DNAAF9: variants seen among roughly 807,000 people sequenced by gnomAD.
DNAAF9 encodes dynein axonemal assembly factor 9.
DNAAF9 carries 90 observed loss-of-function variants against 167.0 expected under a neutral mutation model. That is an observed-to-expected ratio of 0.54 (90% confidence interval 0.45 to 0.64). The LOEUF is 0.64. DNAAF9 is among the 30% of genes least tolerant of loss of function. The pLI, the probability that DNAAF9 is intolerant of heterozygous loss-of-function variation, is 0.00. For synonymous variants in DNAAF9, 491 were observed against 508.8 expected (o/e 0.96, Z 0.47); for missense variants, 1,315 against 1,442.2 (o/e 0.91, Z 1.43).
At chr20:3,326,168 C>A (rs1399715805) in intron 13 of DNAAF9, 29 bp downstream of exon 13, 5 of 1,393,804 alleles carry the variant, frequency 3.6e-6, no homozygotes, top group African/African-American at 1.4e-5. Flanking sequence ...ATAATAATTA[C>A]AGAAAGGGAA....
At chr20:3,336,794 C>T (rs1042854273) in intron 10 of DNAAF9, among the ~76,000 whole-genome samples, 3 of 151,758 alleles carry the variant, frequency 2.0e-5, no homozygotes, top group African/African-American at 7.3e-5. Context: ...TCAGGTAATC[C>T]GGCCTCCCAA....
Position 3,296,552 on chromosome 20 carries a change from T to C in DNAAF9, c.2018+309A>G, listed in dbSNP as rs1162610394. 1.2e-5 allele frequency: 4 copies of C among 331,868 alleles called. No homozygotes were observed. The East Asian group carries it at 2.4e-4, about 20-fold the overall frequency. The allele number at this position is 331,868 out of a possible 1,614,324, so 20.6% of individuals were successfully genotyped here. Reference sequence around the variant, plus strand: ...GCCACCATACCCAGCTAATTTTTTATTTTTTGTAGGGACGGGGTCTCACTA... The same window carrying C: ...GCCACCATACCCAGCTAATTTTTTACTTTTTGTAGGGACGGGGTCTCACTA... On this transcript the variant is annotated intron_variant, in intron 23 of 36. Coordinates refer to ENST00000252032, the MANE Select transcript of DNAAF9 (RefSeq NM_001009984.3).
intron 29 of DNAAF9, among the ~76,000 whole-genome samples, chr20:3,274,916 C>T (rs1241737571): frequency 1.3e-5 from 2 of 152,222 alleles, no homozygotes; most frequent in Non-Finnish European, 2.9e-5. Flanking sequence ...AGTTTGAAGG[C>T]AGATTCCAGG....
intron 27 of DNAAF9, among the ~76,000 whole-genome samples, chr20:3,284,499 C>T (rs186145831): frequency 4.8e-4 from 68 of 140,582 alleles, no homozygotes; most frequent in African/African-American, 1.8e-3. Flanking sequence ...TGTACCGGAC[C>T]ACTCTGGCTA....
chr20:3,302,740 A>T (rs1230366767), intron 21 of DNAAF9, among the ~76,000 whole-genome samples: 1 of 152,182 alleles, frequency 6.6e-6, no homozygotes, highest in East Asian at 1.9e-4. Context: ...ATGCAAACTA[A>T]TATATAGGGA....
intron 30 of DNAAF9, 136 bp downstream of exon 30, chr20:3,270,291 T>G: frequency 1.3e-6 from 1 of 744,454 alleles, no homozygotes; most frequent in Admixed American, 2.2e-5. Flanking sequence ...TATAGGTGCG[T>G]GCCACCGCAC....
At chr20:3,307,038 G>C in intron 20 of DNAAF9, 1 of 985,408 alleles carries the variant, frequency 1.0e-6, no homozygotes, top group Non-Finnish European at 1.2e-6. Flanking sequence ...AGTGCCACTT[G>C]AAAGGCCTCC....
chr20:3,298,033 G>A lies in DNAAF9; in HGVS notation c.1925C>T (p.Ser642Leu). ...PKSKIYQAFYSEVFSLWKQQD... is the reference protein window; with the variant it reads ...PKSKIYQAFYLEVFSLWKQQD... The stretch of plus-strand genomic sequence containing the variant: ...CTGAATAATGACTGATATTACCTCT[G>A]AGTAAAATGCTTGGTATATCTTCGA... Residue 642 changes from serine to leucine, a missense_variant, in exon 22 of 37, where the codon TCA becomes TTA. By Grantham distance (145) the Ser-to-Leu change is moderately radical. Around this residue, in one of 2 missense-constraint regions of DNAAF9, gnomAD observed 981 missense variants for 1,012.5 expected, o/e 0.97. Transcript: ENST00000252032. The A allele has an allele frequency of 6.2e-7, 1 of 1,611,806 alleles. No homozygotes were observed.
intron 9 of DNAAF9, among the ~76,000 whole-genome samples, chr20:3,342,992 T>G (rs1289080742): frequency 6.6e-6 from 1 of 152,174 alleles, no homozygotes; most frequent in East Asian, 1.9e-4. Flanking sequence ...TGCAAATGGT[T>G]TCTCCCATTC....
intron 25 of DNAAF9, among the ~76,000 whole-genome samples, chr20:3,290,745 C>A (rs1489265199): frequency 6.6e-6 from 1 of 151,118 alleles, no homozygotes; most frequent in Non-Finnish European, 1.5e-5. Flanking sequence ...ATGCTTCTGC[C>A]TGGTTGCCTG....
intron 1 of DNAAF9, among the ~76,000 whole-genome samples, chr20:3,386,918 A>G (rs1201217980): frequency 6.6e-6 from 1 of 152,204 alleles, no homozygotes; most frequent in African/African-American, 2.4e-5. Flanking sequence ...ATATTACTAT[A>G]CCTCTATTAG....
intron 21 of DNAAF9, among the ~76,000 whole-genome samples, chr20:3,304,168 A>AT (rs1209999636): frequency 6.6e-6 from 1 of 152,162 alleles, no homozygotes; most frequent in Non-Finnish European, 1.5e-5. Context: ...TTTAGGGTGA[A>AT]TGAATTGGGC....
intron 21 of DNAAF9, among the ~76,000 whole-genome samples, chr20:3,304,180 TGGG>T (rs1268208759): frequency 6.6e-6 from 1 of 152,176 alleles, no homozygotes; most frequent in Non-Finnish European, 1.5e-5. Context: ...GAATTGGGCA[TGGG>T]GAGCTGCTGG....
chr20:3,361,528 C>A (rs996403466), intron 6 of DNAAF9, among the ~76,000 whole-genome samples: 4 of 152,030 alleles, frequency 2.6e-5, no homozygotes, highest in African/African-American at 9.7e-5. Context: ...GACCCCAGGC[C>A]GTGTAATCAG....
chr20:3,297,722 G>A (rs1294629500), intron 22 of DNAAF9, among the ~76,000 whole-genome samples: 2 of 152,184 alleles, frequency 1.3e-5, no homozygotes, highest in African/African-American at 4.8e-5. Context: ...AATTCAGTAG[G>A]TAGGGCCCAA....
intron 25 of DNAAF9, 111 bp downstream of exon 25, chr20:3,294,028 T>TAACA (rs928419403): frequency 4.3e-6 from 3 of 699,984 alleles, no homozygotes; most frequent in Non-Finnish European, 7.8e-6. Context: ...GAGAGTCCTG[T>TAACA]AACAGGGACT....
chr20:3,368,515 CTTTT>C (rs147303892), intron 6 of DNAAF9, among the ~76,000 whole-genome samples: 1 of 127,148 alleles, frequency 7.9e-6, no homozygotes. Context: ...TTCCTGGAAG[CTTTT>C]TTTTTTTTTT....
intron 1 of DNAAF9, among the ~76,000 whole-genome samples, chr20:3,391,289 G>A (rs953059554): frequency 6.6e-6 from 1 of 151,424 alleles, no homozygotes. Context: ...ACCATGAAAC[G>A]TGTCACTTAA....
chr20:3,391,456 T>G (rs1476001538), intron 1 of DNAAF9, among the ~76,000 whole-genome samples: 1 of 152,204 alleles, frequency 6.6e-6, no homozygotes, highest in African/African-American at 2.4e-5. Flanking sequence ...TGTTGAATAT[T>G]TACTGTCTAT....
Sources: gnomAD v4.1 joint callset for allele counts (sites outside exome capture counted in the v4.1 genomes callset) on GRCh38, gnomAD v4.1.1 for gene constraint, gnomAD v4.1.1 regional missense constraint, MANE v1.5 for transcripts, NCBI Gene and HGNC (gene_info 2026-07-23, HGNC 2026-07-21) for gene names.